Variants in HDAC9 observed in about 807,000 individuals in gnomAD.
HDAC9 encodes the protein MEF-2 interacting transcription repressor (MITR) protein.
In HDAC9, 41 loss-of-function variants were observed where a neutral mutation model predicts 139.4. That is an observed-to-expected ratio of 0.29 (90% confidence interval 0.23 to 0.38). HDAC9 has a LOEUF of 0.38. Ranked by LOEUF, HDAC9 falls within the 10% of genes least tolerant of loss-of-function variation. HDAC9 has a pLI of 1.00. For synonymous variants in HDAC9, 517 were observed against 476.2 expected (o/e 1.09, Z -1.12); for missense variants, 1,147 against 1,297.0 (o/e 0.88, Z 1.78).
chr7:18,801,888 C>T (rs1031856993), intron 17 of HDAC9, among the ~76,000 whole-genome samples: 11 of 151,938 alleles, frequency 7.2e-5, no homozygotes, highest in Admixed American at 5.9e-4. Flanking sequence ...TCTTTTAACA[C>T]TTCAATGTTT....
chr7:18,534,466 G>T (rs1271136447), intron 2 of HDAC9, among the ~76,000 whole-genome samples: 1 of 152,196 alleles, frequency 6.6e-6, no homozygotes, highest in South Asian at 2.1e-4. Context: ...AGGATTACTT[G>T]AGCCTTAGAG....
intron 1 of HDAC9, among the ~76,000 whole-genome samples, chr7:18,129,721 T>C (rs1197150052): frequency 6.6e-6 from 1 of 152,188 alleles, no homozygotes; most frequent in Non-Finnish European, 1.5e-5. Flanking sequence ...CCAATAGTTA[T>C]TTTCCCCATT....
intron 22 of HDAC9, among the ~76,000 whole-genome samples, chr7:18,893,049 A>AAAAG (rs1315104924): frequency 1.3e-5 from 2 of 149,912 alleles, no homozygotes; most frequent in Non-Finnish European, 3.0e-5. Flanking sequence ...AAAAAAAAAA[A>AAAAG]AAAAAGAAAA....
intron 1 of HDAC9, among the ~76,000 whole-genome samples, chr7:18,321,824 A>G (rs1270992320): frequency 4.6e-5 from 7 of 152,184 alleles, no homozygotes; most frequent in African/African-American, 1.7e-4. Flanking sequence ...CTTCTTTTAA[A>G]TTGGAGAGCT....
At chr7:18,249,864 C>T (rs185912340) in intron 2 of HDAC9, among the ~76,000 whole-genome samples, 8 of 152,214 alleles carry the variant, frequency 5.3e-5, no homozygotes, top group African/African-American at 1.9e-4. Flanking sequence ...TTGTAAATAT[C>T]TTTAAAATAA....
At chr7:18,845,855 C>T (rs1796869530) in intron 21 of HDAC9, among the ~76,000 whole-genome samples, 1 of 152,140 alleles carries the variant, frequency 6.6e-6, no homozygotes, top group South Asian at 2.1e-4. Flanking sequence ...AGAGAGGTAT[C>T]TGTGGGTGCG....
chr7:18,485,384 C>T (rs1795898127), intron 1 of HDAC9, among the ~76,000 whole-genome samples: 1 of 151,664 alleles, frequency 6.6e-6, no homozygotes, highest in South Asian at 2.1e-4. Context: ...GTTTGTTTAG[C>T]AGCCTACAGA....
At chr7:18,867,565 A>G (rs980800027) in intron 21 of HDAC9, among the ~76,000 whole-genome samples, 1 of 152,150 alleles carries the variant, frequency 6.6e-6, no homozygotes, top group Admixed American at 6.5e-5. Flanking sequence ...ACTGATTAGG[A>G]CTTTGCTGTC....
chr7:18,427,691 T>G (rs888491837), intron 1 of HDAC9, among the ~76,000 whole-genome samples: 4 of 151,422 alleles, frequency 2.6e-5, no homozygotes, highest in Middle Eastern at 3.4e-3. Context: ...ACACAGTTTC[T>G]TTCTTCTTCT....
intron 2 of HDAC9, among the ~76,000 whole-genome samples, chr7:18,501,383 G>A (rs1377613043): frequency 2.0e-5 from 3 of 151,754 alleles, no homozygotes; most frequent in Non-Finnish European, 4.4e-5. Context: ...GCTTAAAATA[G>A]AAACACATAC....
rs750559556 is a variant in HDAC9, at chr7:18,648,674, C to T, written c.1458C>T (p.His486=). The T allele has an allele frequency of 2.5e-6, 4 of 1,611,202 alleles. No individual in the cohort carries two copies. The highest frequency in any genetic ancestry group is 1.6e-4 in the Middle Eastern group (1 of 6,070). The stretch of plus-strand genomic sequence containing the variant: ...AGAAGCAATACCAGCAGCAGATCCA[C>T]ATGAACAAAGTAAGCCTCCAAGCCA... The part of the protein sequence containing the change: ...EKQKQYQQQI[H]MNKLLSKSIE... Residue 486 remains histidine (H), a synonymous_variant, in exon 11 of 26, where the codon CAC becomes CAT. Coordinates refer to ENST00000686413, the MANE Select transcript of HDAC9 (RefSeq NM_178425.4).
chr7:18,306,072 G>A (rs1244914039), intron 1 of HDAC9, among the ~76,000 whole-genome samples: 1 of 152,182 alleles, frequency 6.6e-6, no homozygotes. Flanking sequence ...GGGAAATGAG[G>A]CAGGGAATGG....
intron 1 of HDAC9, among the ~76,000 whole-genome samples, chr7:18,143,349 C>A (rs1042264994): frequency 6.6e-6 from 1 of 152,068 alleles, no homozygotes; most frequent in East Asian, 1.9e-4. Flanking sequence ...AAGCTCTATG[C>A]GTATGATGCT....
chr7:18,421,665 T>A (rs765532508), intron 1 of HDAC9, among the ~76,000 whole-genome samples: 4 of 152,186 alleles, frequency 2.6e-5, no homozygotes, highest in Non-Finnish European at 5.9e-5. Flanking sequence ...AAATTATTTC[T>A]TTCACTGCCC....
chr7:18,179,834 G>A (rs997557534), intron 2 of HDAC9, among the ~76,000 whole-genome samples: 8 of 152,142 alleles, frequency 5.3e-5, no homozygotes, highest in African/African-American at 1.9e-4. Context: ...TATCATAAAA[G>A]ATGTAATTGT....
At chr7:18,239,959 T>TG (rs1246390202) in intron 2 of HDAC9, among the ~76,000 whole-genome samples, 1 of 151,288 alleles carries the variant, frequency 6.6e-6, no homozygotes, top group African/African-American at 2.4e-5. Flanking sequence ...GCATGTTTTT[T>TG]TTTTTTTTTT....
chr7:18,187,225 T>TA (rs1299405856), intron 2 of HDAC9, among the ~76,000 whole-genome samples: 1 of 152,190 alleles, frequency 6.6e-6, no homozygotes, highest in East Asian at 1.9e-4. Context: ...GACAAAGTGT[T>TA]ACATATAATC....
intron 12 of HDAC9, among the ~76,000 whole-genome samples, chr7:18,701,397 TAAAAAAAAACAAAACAAAC>T (rs1783464612): frequency 9.7e-6 from 1 of 103,198 alleles, no homozygotes; most frequent in East Asian, 3.0e-4. Flanking sequence ...GCGTCTGATT[TAAAAAAAAACAAAACAAAC>T]AAAAAAAAAA....
chr7:18,865,544 C>T (rs532854185), intron 21 of HDAC9, among the ~76,000 whole-genome samples: 5 of 152,258 alleles, frequency 3.3e-5, no homozygotes, highest in African/African-American at 7.2e-5. Flanking sequence ...CTAGTGCTGA[C>T]GCTTTTCCAC....
Sources: gnomAD v4.1 joint callset for allele counts (sites outside exome capture counted in the v4.1 genomes callset) on GRCh38, gnomAD v4.1.1 for gene constraint, MANE v1.5 for transcripts, NCBI Gene and HGNC (gene_info 2026-07-23, HGNC 2026-07-21) for gene names.